Variants in GPC6 observed in about 807,000 individuals in gnomAD.
GPC6 encodes glypican-6.
GPC6 carries 14 observed loss-of-function variants against 55.2 expected under a neutral mutation model. The observed-to-expected ratio is 0.25, with a 90% CI of 0.17 to 0.40. GPC6 has a LOEUF of 0.40. Ranked by LOEUF, GPC6 falls within the 10% of genes least tolerant of loss-of-function variation. The pLI, the probability that GPC6 is intolerant of heterozygous loss-of-function variation, is 1.00. For synonymous variants in GPC6, 278 were observed against 259.6 expected, an observed-to-expected ratio of 1.07 and a Z score of -0.68; for missense variants, 641 against 708.5, an observed-to-expected ratio of 0.90 and a Z score of 1.08.
chr13:93,388,563 A>C (rs1490788852), intron 1 of GPC6, among the ~76,000 whole-genome samples: 2 of 152,196 alleles, frequency 1.3e-5, no homozygotes, highest in South Asian at 4.1e-4. Context: ...ATTAAGCTGA[A>C]TAGAGTAGCT....
intron 4 of GPC6, among the ~76,000 whole-genome samples, chr13:94,242,387 G>A (rs1041652925): frequency 6.6e-6 from 1 of 151,966 alleles, no homozygotes; most frequent in South Asian, 2.1e-4. Flanking sequence ...AGCCATCCCA[G>A]TACTGAGTAT....
chr13:94,323,551 G>C (rs138666162), intron 6 of GPC6, among the ~76,000 whole-genome samples: 2 of 152,228 alleles, frequency 1.3e-5, no homozygotes, highest in Non-Finnish European at 2.9e-5. Context: ...TGTGCATATG[G>C]ACATAAAGTG....
chr13:93,820,387 T>C (rs1440344819), intron 2 of GPC6, among the ~76,000 whole-genome samples: 3 of 152,084 alleles, frequency 2.0e-5, no homozygotes, highest in African/African-American at 7.2e-5. Context: ...CCAATACACA[T>C]TGAGAGTAAT....
At chr13:94,148,783 T>C (rs1270312658) in intron 4 of GPC6, among the ~76,000 whole-genome samples, 8 of 152,178 alleles carry the variant, frequency 5.3e-5, no homozygotes, top group African/African-American at 1.9e-4. Context: ...AGAGAACAAG[T>C]TGTCAATGAG....
intron 1 of GPC6, among the ~76,000 whole-genome samples, chr13:93,231,218 G>A (rs1267714751): frequency 1.3e-5 from 2 of 150,618 alleles, no homozygotes; most frequent in Non-Finnish European, 3.0e-5. Flanking sequence ...TCTGACTCCA[G>A]GGTCTATATA....
chr13:93,772,727 T>C (rs1246641725), intron 2 of GPC6, among the ~76,000 whole-genome samples: 1 of 152,080 alleles, frequency 6.6e-6, no homozygotes, highest in African/African-American at 2.4e-5. Flanking sequence ...TTCAGAATGT[T>C]GGTCCTGCAC....
At chr13:93,971,950 A>G (rs893601760) in intron 3 of GPC6, among the ~76,000 whole-genome samples, 3 of 152,202 alleles carry the variant, frequency 2.0e-5, no homozygotes, top group African/African-American at 4.8e-5. Context: ...AGGAGTATCC[A>G]GCGTCAGGCT....
intron 1 of GPC6, among the ~76,000 whole-genome samples, chr13:93,414,655 C>T (rs1876630720): frequency 6.6e-6 from 1 of 152,022 alleles, no homozygotes; most frequent in African/African-American, 2.4e-5. Context: ...TGTGTGGTGC[C>T]TGGGCAGAGG....
chr13:93,733,245 GT>G (rs1566508739), intron 2 of GPC6, among the ~76,000 whole-genome samples: 1 of 151,876 alleles, frequency 6.6e-6, no homozygotes, highest in Non-Finnish European at 1.5e-5. Flanking sequence ...ATACATCCTG[GT>G]TTTGTAGAAA....
chr13:94,032,047 G>C (rs1883160958), intron 4 of GPC6, among the ~76,000 whole-genome samples: 1 of 152,134 alleles, frequency 6.6e-6, no homozygotes, highest in Non-Finnish European at 1.5e-5. Flanking sequence ...ATGAGACAAA[G>C]GCAGGGATTC....
intron 2 of GPC6, among the ~76,000 whole-genome samples, chr13:93,622,763 T>C (rs1005401357): frequency 3.3e-5 from 5 of 152,184 alleles, no homozygotes; most frequent in African/African-American, 1.2e-4. Flanking sequence ...GGTGAGAACA[T>C]TCAAAATTAT....
At chr13:93,297,886 A>G (rs1307043574) in intron 1 of GPC6, among the ~76,000 whole-genome samples, 1 of 152,174 alleles carries the variant, frequency 6.6e-6, no homozygotes, top group Non-Finnish European at 1.5e-5. Context: ...GAGAGCCTTC[A>G]TGGGGAGATC....
At chr13:93,825,230 G>T (rs1321218070) in intron 2 of GPC6, among the ~76,000 whole-genome samples, 1 of 152,148 alleles carries the variant, frequency 6.6e-6, no homozygotes, top group African/African-American at 2.4e-5. Context: ...ACTCAGAGAA[G>T]GATGTGCCAC....
At chr13:94,049,891 G>A (rs545663749) in intron 4 of GPC6, among the ~76,000 whole-genome samples, 2 of 152,144 alleles carry the variant, frequency 1.3e-5, no homozygotes, top group South Asian at 4.1e-4. Flanking sequence ...ATTGAATCAC[G>A]GGTACAGTTC....
intron 2 of GPC6, among the ~76,000 whole-genome samples, chr13:93,616,705 C>T (rs1018150132): frequency 3.9e-5 from 6 of 151,984 alleles, no homozygotes; most frequent in African/African-American, 1.4e-4. Flanking sequence ...CAAGTGTTGC[C>T]TTAAAATAAT....
intron 4 of GPC6, among the ~76,000 whole-genome samples, chr13:94,092,138 C>T (rs1402309697): frequency 1.0e-4 from 10 of 98,756 alleles, no homozygotes; most frequent in East Asian, 2.8e-4. Context: ...GGGCGGGGGG[C>T]GGGATTGGTG....
chr13:93,430,535 T>A (rs1877317352), intron 1 of GPC6, among the ~76,000 whole-genome samples: 1 of 152,086 alleles, frequency 6.6e-6, no homozygotes, highest in Non-Finnish European at 1.5e-5. Flanking sequence ...GATGTCAAGA[T>A]GGATAGAGAG....
intron 2 of GPC6, among the ~76,000 whole-genome samples, chr13:93,758,739 A>G (rs9524198): frequency 0.19 from 28,729 of 151,788 alleles, 3,477 homozygotes; most frequent in Non-Finnish European, 0.26. Flanking sequence ...CTCTTCAAAC[A>G]CCATAGAAGT....
intron 2 of GPC6, among the ~76,000 whole-genome samples, chr13:93,680,578 G>A (rs747076981): frequency 1.3e-5 from 2 of 152,040 alleles, no homozygotes; most frequent in Non-Finnish European, 2.9e-5. Context: ...GATTAAGGAG[G>A]GTCTTCTAAG....
Sources: allele counts gnomAD v4.1 joint callset (sites outside exome capture counted in the v4.1 genomes callset), GRCh38; gene constraint gnomAD v4.1.1; transcripts MANE v1.5; gene names NCBI Gene and HGNC (gene_info 2026-07-23, HGNC 2026-07-21).